UBE2O: variants seen among roughly 807,000 people sequenced by gnomAD.
UBE2O encodes ubiquitin conjugating enzyme E2 O.
In UBE2O, 15 loss-of-function variants were observed where a neutral mutation model predicts 125.8. The observed-to-expected ratio is 0.12, with a 90% CI of 0.08 to 0.18. The LOEUF (loss-of-function observed/expected upper bound fraction) is 0.18. Ranked by LOEUF, UBE2O falls within the 10% of genes least tolerant of loss-of-function variation. UBE2O has a pLI of 1.00. For missense variants in UBE2O, 1,280 were observed against 1,723.6 expected (o/e 0.74, Z 4.56); for synonymous variants, 708 against 703.2 (o/e 1.01, Z -0.11).
chr17:76,435,614 G>A (rs140731654), intron 1 of UBE2O, among the ~76,000 whole-genome samples: 3 of 152,324 alleles, frequency 2.0e-5, no homozygotes, highest in Non-Finnish European at 4.4e-5. Context: ...GCTGTGCTGA[G>A]CCCTCTCGAA....
chr17:76,395,156 G>A lies in UBE2O; in HGVS notation c.2946+569C>T, dbSNP rs773321122. On this transcript the variant is annotated intron_variant, in intron 15 of 17. Transcript: ENST00000319380. The surrounding 1 kb of genome is among the most constrained non-coding windows in gnomAD (Gnocchi z 5.0). Reference sequence around the variant, plus strand: ...TTCCCGAAGTGCTGGGATTACAGTCGTGAGCCACCGCACCCGGCCTATTTC... The same window carrying A: ...TTCCCGAAGTGCTGGGATTACAGTCATGAGCCACCGCACCCGGCCTATTTC... Among the ~76,000 whole-genome samples the A allele has an allele frequency of 1.1e-4, 17 of 151,850 alleles. No individual in the cohort carries two copies. The highest frequency in any genetic ancestry group is 2.4e-4 in the African/African-American group (10 of 41,416).
intron 1 of UBE2O, among the ~76,000 whole-genome samples, chr17:76,417,562 T>C (rs1040429572): frequency 1.3e-5 from 2 of 152,128 alleles, no homozygotes; most frequent in Non-Finnish European, 2.9e-5. Context: ...TTTTTATGAG[T>C]GTGGACACAC....
intron 1 of UBE2O, among the ~76,000 whole-genome samples, chr17:76,438,868 T>C (rs1279679138): frequency 6.6e-6 from 1 of 152,154 alleles, no homozygotes; most frequent in Non-Finnish European, 1.5e-5. Context: ...ACGCCATGCA[T>C]GCATAGGTGA....
chr17:76,401,226 GT>G, intron 5 of UBE2O, 72 bp from the exon 6 acceptor site: 2 of 1,552,628 alleles, frequency 1.3e-6, no homozygotes. Context: ...CTCCACGCCT[GT>G]GCCCGCTGGC....
intron 1 of UBE2O, among the ~76,000 whole-genome samples, chr17:76,418,598 C>A (rs1455202295): frequency 3.6e-4 from 53 of 148,916 alleles, no homozygotes; most frequent in African/African-American, 1.2e-3. Flanking sequence ...GAGACGGAGT[C>A]TCGCTCTGTC....
chr17:76,424,691 A>G (rs1242250980), intron 1 of UBE2O, among the ~76,000 whole-genome samples: 1 of 151,910 alleles, frequency 6.6e-6, no homozygotes, highest in Non-Finnish European at 1.5e-5. Flanking sequence ...CCTGGGCAAC[A>G]GAGTAAGACC....
In UBE2O at chr17:76,405,467, G is replaced by A. The variant is rs1479929551; in HGVS notation, c.477+46C>T. ...AGGTGGGCAGGCTCAAGTCCCTAAG[G>A]TGGCTGCCCCCAGGCCCGGGGCTGG... On this transcript the variant is annotated intron_variant, in intron 2 of 17. Coordinates refer to ENST00000319380, the MANE Select transcript of UBE2O (RefSeq NM_022066.4). The surrounding 1 kb of genome is among the most constrained non-coding windows in gnomAD (Gnocchi z 6.1). 6 of 1,575,036 alleles carry A rather than the reference G, an allele frequency of 3.8e-6. No individual in the cohort carries two copies. Among genetic ancestry groups the A allele is most frequent in the Non-Finnish European group, 5.2e-6 (6 of 1,160,410 alleles).
chr17:76,398,719 C>T lies in UBE2O; in HGVS notation c.1783+118G>A. 1 of 1,473,996 alleles carries T rather than the reference C, an allele frequency of 6.8e-7. No homozygotes were observed. The highest frequency in any genetic ancestry group is 9.3e-7 in the Non-Finnish European group (1 of 1,075,126). 91.3% of individuals were successfully genotyped at this position (1,473,996 alleles called of 1,614,324 possible). Reference sequence around the variant, plus strand: ...GGTGAGACCCCTTCATGAGGGCAGTCCCCTTCTGGACCTCATTTTAGCTCT... The same window carrying T: ...GGTGAGACCCCTTCATGAGGGCAGTTCCCTTCTGGACCTCATTTTAGCTCT... On this transcript the variant is annotated intron_variant, in intron 10 of 17. Transcript: ENST00000319380. The surrounding 1 kb of genome is among the most constrained non-coding windows in gnomAD (Gnocchi z 5.4).
chr17:76,409,401 CTT>C (rs1158559743), intron 1 of UBE2O, among the ~76,000 whole-genome samples: 3 of 134,818 alleles, frequency 2.2e-5, no homozygotes, highest in Non-Finnish European at 3.2e-5. Flanking sequence ...ACACACACTA[CTT>C]TTTTTTTTTT....
At chr17:76,437,630 G>A (rs2073020180) in intron 1 of UBE2O, among the ~76,000 whole-genome samples, 1 of 152,054 alleles carries the variant, frequency 6.6e-6, no homozygotes, top group South Asian at 2.1e-4. Context: ...GCCCAGGCTG[G>A]CCTTGAACTC....
In UBE2O at chr17:76,404,980, G is replaced by A. The variant is rs548917515; in HGVS notation, c.588+226C>T. On this transcript the variant is annotated intron_variant, in intron 3 of 17. Transcript: ENST00000319380. The surrounding 1 kb of genome is among the most constrained non-coding windows in gnomAD (Gnocchi z 4.3). Reference sequence around the variant, plus strand: ...ACACTTAAAGATAACCACACTGGCAGCCTATGCTGGGGTTGGGGAAGGGCA... The same window carrying A: ...ACACTTAAAGATAACCACACTGGCAACCTATGCTGGGGTTGGGGAAGGGCA... 7.9e-5 allele frequency among the ~76,000 whole-genome samples: 12 copies of A among 152,352 alleles called. No individual in the cohort carries two copies. The East Asian group carries it at 2.3e-3, about 29-fold the overall frequency.
In UBE2O at chr17:76,395,675, C is replaced by G; in HGVS notation, c.2946+50G>C. 2 of 1,569,520 alleles carry G rather than the reference C, an allele frequency of 1.3e-6. No homozygotes were observed. The highest frequency in any genetic ancestry group is 1.7e-6 in the Non-Finnish European group (2 of 1,159,458). ...CCCAAGGTTGGTGGCCTCTTGGGCA[C>G]TGGGTGCCCACACAGCACATCTGCA... On this transcript the variant is annotated intron_variant, in intron 15 of 17. Transcript: ENST00000319380. This position sits in a 1 kb window ranked among gnomAD's most constrained non-coding sequence, Gnocchi z 5.0.
chr17:76,393,945 T>C (rs2072159952), intron 15 of UBE2O, among the ~76,000 whole-genome samples: 2 of 152,192 alleles, frequency 1.3e-5, no homozygotes, highest in Non-Finnish European at 2.9e-5. Context: ...ACTTTTCTTC[T>C]CCTGAGTGAG....
At chr17:76,417,822 C>T (rs1256719612) in intron 1 of UBE2O, among the ~76,000 whole-genome samples, 2 of 152,106 alleles carry the variant, frequency 1.3e-5, no homozygotes, top group Non-Finnish European at 2.9e-5. Context: ...TCAGCGTCCG[C>T]GAAGAGACGT....
rs2072402537 is a variant in UBE2O, at chr17:76,405,608, C to T, written c.418-36G>A. ...AAATACAGGTGTGAGAGAATGGACTCTGAAGCCACCACAGAATACAGTTTT... is the reference window on the plus strand; with the variant it reads ...AAATACAGGTGTGAGAGAATGGACTTTGAAGCCACCACAGAATACAGTTTT... On this transcript the variant is annotated intron_variant, in intron 1 of 17. Coordinates refer to ENST00000319380, the MANE Select transcript of UBE2O (RefSeq NM_022066.4). The surrounding 1 kb of genome is among the most constrained non-coding windows in gnomAD (Gnocchi z 6.1). 6.5e-7 allele frequency: 1 copy of T among 1,528,662 alleles called. No individual in the cohort carries two copies. The highest frequency in any genetic ancestry group is 1.2e-5 in the South Asian group (1 of 84,606). The allele number at this position is 1,528,662 out of a possible 1,614,324, so 94.7% of individuals were successfully genotyped here. A position where few individuals can be genotyped will look rare whatever the true frequency, so the allele number is the denominator to read the frequency against.
chr17:76,400,003 G>A lies in UBE2O; in HGVS notation c.1156-82C>T. The A allele has an allele frequency of 6.5e-7, 1 of 1,529,610 alleles. No individual in the cohort carries two copies. The highest frequency in any genetic ancestry group is 1.3e-5 in the South Asian group (1 of 78,330). 94.8% of individuals were successfully genotyped at this position (1,529,610 alleles called of 1,614,324 possible). A position where few individuals can be genotyped will look rare whatever the true frequency, so the allele number is the denominator to read the frequency against. ...CCTAGGCATCTCAGGCTGGGGGGAT[G>A]ACAGCTGTATACACCTGAGTAGCCG... is the stretch of plus-strand genomic sequence containing the variant. On this transcript the variant is annotated intron_variant, in intron 8 of 17. Transcript: ENST00000319380. The surrounding 1 kb of genome is among the most constrained non-coding windows in gnomAD (Gnocchi z 4.3).
chr17:76,415,998 T>G (rs2072601604), intron 1 of UBE2O, among the ~76,000 whole-genome samples: 1 of 151,452 alleles, frequency 6.6e-6, no homozygotes, highest in African/African-American at 2.4e-5. Flanking sequence ...CATACACGTA[T>G]ATACGTATGT....
chr17:76,392,082 G>A lies in UBE2O; in HGVS notation c.2978C>T (p.Thr993Ile). The change falls in exon 16 of 18, where the codon ACT becomes ATT. Residue 993 changes from threonine to isoleucine, a missense_variant. Transcript: ENST00000319380. ...GAGGCCATCCTCGTAGGGGGTTCGA[G>A]TGGGGCCCTTGATGAGAGCTGAGAA... ...DLFSALIKGPTRTPYEDGLYL... is the reference protein window; with the variant it reads ...DLFSALIKGPIRTPYEDGLYL... 1 of 1,537,162 alleles carries A rather than the reference G, an allele frequency of 6.5e-7. No individual in the cohort carries two copies. Among genetic ancestry groups the A allele is most frequent in the Non-Finnish European group, 8.7e-7 (1 of 1,145,636 alleles).
chr17:76,411,629 C>G (rs934642423), intron 1 of UBE2O, among the ~76,000 whole-genome samples: 1 of 152,284 alleles, frequency 6.6e-6, no homozygotes. Flanking sequence ...TCTTTTAATC[C>G]CGGGGTAAAA....
Sources: allele counts gnomAD v4.1 joint callset (sites outside exome capture counted in the v4.1 genomes callset), GRCh38; gene constraint gnomAD v4.1.1; non-coding constraint Gnocchi (gnomAD v3.1); transcripts MANE v1.5; gene names NCBI Gene and HGNC (gene_info 2026-07-23, HGNC 2026-07-21).